ALMS1: variants seen among roughly 807,000 people sequenced by gnomAD.
ALMS1 encodes centrosome-associated protein ALMS1.
ALMS1 carries 271 observed loss-of-function variants against 352.2 expected under a neutral mutation model. That is an observed-to-expected ratio of 0.77 (90% CI 0.70 to 0.85). The LOEUF is 0.85. ALMS1 is among the 40% of genes least tolerant of loss of function. ALMS1 has a pLI of 0.00. For missense variants in ALMS1, 5,445 were observed against 4,870.7 expected (o/e 1.12, Z -3.51); for synonymous variants, 1,865 against 1,761.2 (o/e 1.06, Z -1.48).
Position 73,464,513 on chromosome 2 carries a change from G to A in ALMS1, c.7674+9218G>A, listed in dbSNP as rs189418069. On this transcript the variant is annotated intron_variant, in intron 9 of 22. Coordinates refer to ENST00000613296, the MANE Select transcript of ALMS1 (RefSeq NM_001378454.1). ...CATACCGAATGGGCAAAAACTGGAA[G>A]CATTCCCTTTGAAAACAGGCACAAG... 1.6e-4 allele frequency among the ~76,000 whole-genome samples: 25 copies of A among 152,290 alleles called. No individual in the cohort carries two copies. In the East Asian group the frequency reaches 4.6e-3, roughly 28 times the overall value.
intron 2 of ALMS1, among the ~76,000 whole-genome samples, chr2:73,413,901 A>G (rs530352199): frequency 1.3e-5 from 2 of 152,294 alleles, no homozygotes; most frequent in Non-Finnish European, 2.9e-5. Context: ...TTACATATGT[A>G]TCCTCATGCC....
chr2:73,486,139 C>A (rs913975663), intron 9 of ALMS1, among the ~76,000 whole-genome samples: 4 of 151,774 alleles, frequency 2.6e-5, no homozygotes, highest in African/African-American at 9.7e-5. Flanking sequence ...TTTTTTTTCC[C>A]TTTTTACTGT....
intron 3 of ALMS1, among the ~76,000 whole-genome samples, chr2:73,422,533 G>T (rs72811908): frequency 6.6e-6 from 1 of 152,030 alleles, no homozygotes; most frequent in Non-Finnish European, 1.5e-5. Flanking sequence ...TCTCACTCTG[G>T]CATTTCAGCT....
chr2:73,537,785 T>C (rs531565854), intron 12 of ALMS1, among the ~76,000 whole-genome samples: 2 of 152,162 alleles, frequency 1.3e-5, no homozygotes, highest in East Asian at 3.9e-4. Context: ...GATGGGAGGA[T>C]TGCCTGAGCC....
At chr2:73,467,160 A>C (rs1558657567) in intron 9 of ALMS1, among the ~76,000 whole-genome samples, 1 of 152,150 alleles carries the variant, frequency 6.6e-6, no homozygotes, top group Non-Finnish European at 1.5e-5. Flanking sequence ...CATGAAAGTT[A>C]AGAATGGTAA....
chr2:73,486,078 C>T (rs1011252543), intron 9 of ALMS1, among the ~76,000 whole-genome samples: 11 of 151,884 alleles, frequency 7.2e-5, no homozygotes, highest in South Asian at 2.1e-4. Flanking sequence ...TGTTCCTATT[C>T]GGCCATCTTG....
At chr2:73,495,697 T>G (rs12475442) in intron 10 of ALMS1, among the ~76,000 whole-genome samples, 4,962 of 152,278 alleles carry the variant, frequency 0.033, 214 homozygotes, top group Admixed American at 0.093. Context: ...ATGTGTATAC[T>G]CATATCTGTA....
chr2:73,436,990 G>C (rs1254791739), intron 7 of ALMS1, among the ~76,000 whole-genome samples: 1 of 152,118 alleles, frequency 6.6e-6, no homozygotes, highest in Non-Finnish European at 1.5e-5. Flanking sequence ...ATAATATCTT[G>C]TTGCAGCTCT....
At chr2:73,494,517 A>C (rs1673063246) in intron 10 of ALMS1, among the ~76,000 whole-genome samples, 1 of 152,222 alleles carries the variant, frequency 6.6e-6, no homozygotes, top group African/African-American at 2.4e-5. Flanking sequence ...CCAACCCAGG[A>C]TTCCGTCTTG....
At position 73,572,351 on chromosome 2, in the gene ALMS1, A is replaced by T; in HGVS notation, c.10474A>T (p.Ser3492Cys). ...FYIHHPVHLP[S>C]DQDICHESLG... The stretch of plus-strand genomic sequence containing the variant: ...CATTCATCATCCCGTACACCTACCA[A>T]GTGATCAAGATATTTGCCATGAATC... The change falls in exon 16 of 23, where the codon AGT becomes TGT. Residue 3492 changes from serine (S) to cysteine (C), a missense_variant. Coordinates refer to ENST00000613296, the MANE Select transcript of ALMS1 (RefSeq NM_001378454.1). 6.2e-7 allele frequency: 1 copy of T among 1,608,438 alleles called. No homozygotes were observed. The highest frequency in any genetic ancestry group is 1.1e-5 in the South Asian group (1 of 89,684).
chr2:73,528,499 T>G (rs1673840802), intron 11 of ALMS1, among the ~76,000 whole-genome samples: 1 of 152,222 alleles, frequency 6.6e-6, no homozygotes, highest in Admixed American at 6.5e-5. Context: ...TTTTTATAAT[T>G]TTTGTCTTAA....
chr2:73,410,345 C>T (rs1002227203), intron 2 of ALMS1, among the ~76,000 whole-genome samples: 7 of 152,104 alleles, frequency 4.6e-5, no homozygotes, highest in South Asian at 2.1e-4. Context: ...GCTGAGGTTG[C>T]GCCACTGCAC....
chr2:73,408,521 C>T, intron 1 of ALMS1, 101 bp from the exon 2 acceptor site: 1 of 1,334,544 alleles, frequency 7.5e-7, no homozygotes, highest in Non-Finnish European at 1.0e-6. Flanking sequence ...TGTGAAAGGG[C>T]TTTATAAACT....
rs554047243 is a variant in ALMS1 at position 73,489,649 on chromosome 2, C to T, written c.7690C>T (p.Arg2564Trp). ...TDLSKGLQSP[R>W]GMGCKPEAVC... is the part of the protein sequence containing the mutation. Reference sequence around the variant, plus strand: ...TATCTTCTAGGGTTTACAGAGTCCACGGGGAATGGGATGCAAGCCAGAAGC... The same window carrying T: ...TATCTTCTAGGGTTTACAGAGTCCATGGGGAATGGGATGCAAGCCAGAAGC... The change falls in exon 10 of 23, where the codon CGG becomes TGG. Residue 2564 changes from arginine to tryptophan, a missense_variant. By Grantham distance (101) the Arg-to-Trp change is moderately radical. Coordinates refer to ENST00000613296, the MANE Select transcript of ALMS1 (RefSeq NM_001378454.1). 2.7e-5 allele frequency: 43 copies of T among 1,613,992 alleles called. No individual in the cohort carries two copies. The highest frequency in any genetic ancestry group is 2.0e-4 in the African/African-American group (15 of 74,974).
intron 3 of ALMS1, among the ~76,000 whole-genome samples, chr2:73,422,169 T>G (rs552410945): frequency 6.6e-6 from 1 of 152,292 alleles, no homozygotes; most frequent in South Asian, 2.1e-4. Flanking sequence ...CAAAAATGTT[T>G]AGAAGTATGG....
chr2:73,454,421 A>G (rs17009063), intron 8 of ALMS1: 33 of 950,968 alleles, frequency 3.5e-5, no homozygotes, highest in Admixed American at 6.2e-5. Context: ...ACGTTTCTCT[A>G]ATCCTCCCAT....
chr2:73,539,241 T>C (rs1414344658), intron 12 of ALMS1, among the ~76,000 whole-genome samples: 1 of 152,220 alleles, frequency 6.6e-6, no homozygotes, highest in Non-Finnish European at 1.5e-5. Context: ...TTCGCTGTTC[T>C]GCAGCCTCTG....
At chr2:73,428,459 G>A (rs1331345719) in intron 6 of ALMS1, among the ~76,000 whole-genome samples, 1 of 152,098 alleles carries the variant, frequency 6.6e-6, no homozygotes, top group East Asian at 1.9e-4. Context: ...GAAGGAGATT[G>A]CCTAAAGTTG....
chr2:73,454,185 A>G (rs1672011446), intron 8 of ALMS1, 118 bp downstream of exon 8: 3 of 1,490,828 alleles, frequency 2.0e-6, no homozygotes, highest in South Asian at 1.3e-5. Flanking sequence ...AAGAAAAAAA[A>G]TGAAGTTAGA....
Sources: gnomAD v4.1 joint callset for allele counts (sites outside exome capture counted in the v4.1 genomes callset) on GRCh38, gnomAD v4.1.1 for gene constraint, MANE v1.5 for transcripts, NCBI Gene and HGNC (gene_info 2026-07-23, HGNC 2026-07-21) for gene names.